ENOX1: variants seen among roughly 807,000 people sequenced by gnomAD.
The protein encoded by ENOX1 is candidate growth-related and time keeping constitutive hydroquinone (NADH) oxidase.
A neutral mutation model predicts 82.5 loss-of-function variants in ENOX1; 42 were observed. The observed-to-expected ratio is 0.51, with a 90% CI of 0.40 to 0.66. The LOEUF is 0.66. Among genes scored for constraint, ENOX1 ranks in the 30% least tolerant of loss-of-function variants. The probability of loss-of-function intolerance (pLI) is 0.00; values close to 1 mark genes in which losing one functional copy is unlikely to be tolerated. For missense variants in ENOX1, 608 were observed against 811.6 expected, an observed-to-expected ratio of 0.75 and a Z score of 3.05; for synonymous variants, 271 against 282.2, an observed-to-expected ratio of 0.96 and a Z score of 0.40.
Position 43,412,999 on chromosome 13 carries a change from G to C in ENOX1, c.-74-11C>G. 6.4e-7 allele frequency: 1 copy of C among 1,551,522 alleles called. No homozygotes were observed. The highest frequency in any genetic ancestry group is 8.7e-7 in the Non-Finnish European group (1 of 1,148,470). ...GGAGGTCATCAGATTCTGCAAAACG[G>C]GACAGAAGTGTGGTGAGAAACCTTA... On this transcript the variant is annotated splice_polypyrimidine_tract_variant and intron_variant, in intron 3 of 16. Transcript: ENST00000690772.
chr13:43,556,571 G>A (rs2079446141), intron 2 of ENOX1, among the ~76,000 whole-genome samples: 1 of 152,160 alleles, frequency 6.6e-6, no homozygotes, highest in South Asian at 2.1e-4. Context: ...TGGCAAATCA[G>A]CAACAAAAGA....
At chr13:43,778,371 T>C (rs1326390432) in intron 1 of ENOX1, among the ~76,000 whole-genome samples, 1 of 152,066 alleles carries the variant, frequency 6.6e-6, no homozygotes, top group African/African-American at 2.4e-5. Flanking sequence ...GCAGGAAAAA[T>C]TGCAGTCAAA....
At chr13:43,627,064 C>G (rs2153749148) in intron 2 of ENOX1, among the ~76,000 whole-genome samples, 1 of 152,038 alleles carries the variant, frequency 6.6e-6, no homozygotes, top group East Asian at 1.9e-4. Context: ...TGACAATTTT[C>G]TTTGTTCTAA....
intron 2 of ENOX1, among the ~76,000 whole-genome samples, chr13:43,488,970 G>A (rs778286766): frequency 2.0e-5 from 3 of 152,154 alleles, no homozygotes; most frequent in Admixed American, 1.3e-4. Flanking sequence ...TTCAAATTGT[G>A]AGCATTTGGG....
intron 5 of ENOX1, among the ~76,000 whole-genome samples, chr13:43,362,655 GC>G (rs2050602912): frequency 6.6e-6 from 1 of 152,156 alleles, no homozygotes. Flanking sequence ...GGCTGGAGGA[GC>G]CCAGAAGCAG....
chr13:43,564,783 T>C (rs1009827956), intron 2 of ENOX1, among the ~76,000 whole-genome samples: 1 of 152,208 alleles, frequency 6.6e-6, no homozygotes, highest in Admixed American at 6.5e-5. Flanking sequence ...AAGAAACACC[T>C]TTCCCACAGA....
intron 8 of ENOX1, among the ~76,000 whole-genome samples, chr13:43,351,366 C>T (rs991829142): frequency 1.1e-4 from 16 of 151,974 alleles, no homozygotes; most frequent in Non-Finnish European, 2.1e-4. Context: ...CTGATTATTC[C>T]TGCTTTAGGG....
At chr13:43,696,246 G>C (rs1369419937) in intron 1 of ENOX1, among the ~76,000 whole-genome samples, 1 of 152,154 alleles carries the variant, frequency 6.6e-6, no homozygotes, top group African/African-American at 2.4e-5. Flanking sequence ...TATGACTGAT[G>C]TTGTTATGAA....
intron 2 of ENOX1, among the ~76,000 whole-genome samples, chr13:43,662,741 C>T (rs779098707): frequency 7.2e-5 from 11 of 152,114 alleles, no homozygotes; most frequent in Non-Finnish European, 1.2e-4. Context: ...GCAATGTCTA[C>T]TATTAATAAA....
intron 2 of ENOX1, among the ~76,000 whole-genome samples, chr13:43,593,206 C>T (rs999385547): frequency 6.6e-6 from 1 of 152,162 alleles, no homozygotes; most frequent in African/African-American, 2.4e-5. Context: ...CTTTGGAGAC[C>T]ATTTCACTGG....
intron 2 of ENOX1, among the ~76,000 whole-genome samples, chr13:43,493,135 T>A (rs1263474396): frequency 6.6e-6 from 1 of 152,100 alleles, no homozygotes; most frequent in East Asian, 1.9e-4. Flanking sequence ...TAAGATTCTC[T>A]CTCTCTCTCT....
chr13:43,454,216 C>T (rs193066612), intron 3 of ENOX1, among the ~76,000 whole-genome samples: 1 of 152,074 alleles, frequency 6.6e-6, no homozygotes, highest in Non-Finnish European at 1.5e-5. Flanking sequence ...TCCCTTCCCC[C>T]ACTTTGCCTA....
At chr13:43,656,310 C>T (rs544283831) in intron 2 of ENOX1, among the ~76,000 whole-genome samples, 57 of 152,278 alleles carry the variant, frequency 3.7e-4, no homozygotes, top group African/African-American at 1.4e-3. Context: ...ATCAGTAATG[C>T]AGGCAGAAAG....
At chr13:43,760,769 A>C (rs985679374) in intron 1 of ENOX1, among the ~76,000 whole-genome samples, 3 of 151,894 alleles carry the variant, frequency 2.0e-5, no homozygotes, top group Non-Finnish European at 4.4e-5. Flanking sequence ...ACATGCACAG[A>C]ATTTGTGGAA....
chr13:43,574,135 C>T (rs1308073773), intron 2 of ENOX1, among the ~76,000 whole-genome samples: 1 of 152,186 alleles, frequency 6.6e-6, no homozygotes, highest in Non-Finnish European at 1.5e-5. Context: ...TTTCTCCTGT[C>T]ATTTAGCCAA....
At chr13:43,666,112 T>G (rs1030608394) in intron 2 of ENOX1, among the ~76,000 whole-genome samples, 2 of 152,046 alleles carry the variant, frequency 1.3e-5, no homozygotes, top group African/African-American at 4.8e-5. Flanking sequence ...AAATCCTTTA[T>G]TGCTAAAACA....
chr13:43,666,617 T>C (rs563309218), intron 2 of ENOX1, among the ~76,000 whole-genome samples: 1 of 152,318 alleles, frequency 6.6e-6, no homozygotes, highest in Non-Finnish European at 1.5e-5. Context: ...TGCTGACACC[T>C]GGACTTTGGA....
chr13:43,320,093 C>T (rs538925510), intron 11 of ENOX1, among the ~76,000 whole-genome samples: 2 of 152,258 alleles, frequency 1.3e-5, no homozygotes, highest in South Asian at 2.1e-4. Context: ...AGGCTGTGTC[C>T]CCAAATATGC....
At chr13:43,420,018 A>G (rs576405712) in intron 3 of ENOX1, among the ~76,000 whole-genome samples, 3 of 152,338 alleles carry the variant, frequency 2.0e-5, no homozygotes, top group Middle Eastern at 6.8e-3. Context: ...ATATGGTATC[A>G]GCAAATTTCT....
Sources: gnomAD v4.1 joint callset for allele counts (sites outside exome capture counted in the v4.1 genomes callset) on GRCh38, gnomAD v4.1.1 for gene constraint, MANE v1.5 for transcripts, NCBI Gene and HGNC (gene_info 2026-07-23, HGNC 2026-07-21) for gene names.